CNBD1: variants seen among roughly 807,000 people sequenced by gnomAD.
The protein encoded by CNBD1 is cyclic nucleotide-binding domain-containing protein 1.
A neutral mutation model predicts 54.4 loss-of-function variants in CNBD1; 71 were observed. The observed-to-expected ratio is 1.30, with a 90% CI of 1.08 to 1.59. The LOEUF (loss-of-function observed/expected upper bound fraction) is 1.59, where lower values mean the gene tolerates loss of function less well. Ranked by LOEUF, CNBD1 falls within the 40% of genes most tolerant of loss-of-function variation. CNBD1 has a pLI of 0.00. For synonymous variants in CNBD1, 182 were observed against 170.7 expected (o/e 1.07, Z -0.51); for missense variants, 659 against 518.0 (o/e 1.27, Z -2.64).
chr8:87,045,318 G>A (rs557673224), intron 4 of CNBD1, among the ~76,000 whole-genome samples: 7 of 152,284 alleles, frequency 4.6e-5, no homozygotes, highest in African/African-American at 1.4e-4. Context: ...AAGAAGACTG[G>A]AATCTTTCAA....
At chr8:87,402,638 A>G (rs1807585969) in intron 2 of CNBD1, among the ~76,000 whole-genome samples, 1 of 152,078 alleles carries the variant, frequency 6.6e-6, no homozygotes, top group Non-Finnish European at 1.5e-5. Context: ...ACATTGTATC[A>G]TGGTGCATGA....
intron 8 of CNBD1, among the ~76,000 whole-genome samples, chr8:87,335,908 G>T (rs1171293004): frequency 6.6e-6 from 1 of 152,102 alleles, no homozygotes; most frequent in Non-Finnish European, 1.5e-5. Flanking sequence ...TGGTGGTGAT[G>T]AATTCCCTCA....
chr8:86,941,020 G>A (rs891663118), intron 4 of CNBD1, among the ~76,000 whole-genome samples: 4 of 152,220 alleles, frequency 2.6e-5, no homozygotes, highest in Non-Finnish European at 2.9e-5. Flanking sequence ...TGACAAAATC[G>A]CATGATGACA....
chr8:87,130,006 A>C (rs1280675210), intron 4 of CNBD1, among the ~76,000 whole-genome samples: 1 of 152,116 alleles, frequency 6.6e-6, no homozygotes, highest in Admixed American at 6.5e-5. Flanking sequence ...GAACTTGTGC[A>C]GGGGAGCTCC....
chr8:86,970,104 A>G (rs1216811039), intron 4 of CNBD1, among the ~76,000 whole-genome samples: 1 of 152,210 alleles, frequency 6.6e-6, no homozygotes, highest in South Asian at 2.1e-4. Flanking sequence ...ATTTACAACT[A>G]TATGGCTTTG....
intron 4 of CNBD1, among the ~76,000 whole-genome samples, chr8:87,028,011 C>T (rs1047750323): frequency 6.6e-6 from 1 of 152,068 alleles, no homozygotes; most frequent in African/African-American, 2.4e-5. Flanking sequence ...CTGGTACCCA[C>T]AAAAGACATT....
At chr8:87,388,859 C>T (rs1811248338) in intron 2 of CNBD1, among the ~76,000 whole-genome samples, 1 of 152,158 alleles carries the variant, frequency 6.6e-6, no homozygotes, top group South Asian at 2.1e-4. Context: ...CAATAAAATA[C>T]TGGCAAACTG....
At chr8:87,085,223 A>G (rs893599764) in intron 4 of CNBD1, among the ~76,000 whole-genome samples, 13 of 152,076 alleles carry the variant, frequency 8.5e-5, no homozygotes, top group African/African-American at 2.4e-4. Context: ...ATCTGTTACC[A>G]TGCTTTTTAT....
At chr8:87,263,316 G>T (rs1808179497) in intron 6 of CNBD1, among the ~76,000 whole-genome samples, 1 of 151,948 alleles carries the variant, frequency 6.6e-6, no homozygotes, top group Non-Finnish European at 1.5e-5. Context: ...CTATTTTTAA[G>T]CTTTTTTTCA....
chr8:86,995,352 C>T (rs76165146), intron 4 of CNBD1, among the ~76,000 whole-genome samples: 1,544 of 152,320 alleles, frequency 0.01, 21 homozygotes, highest in African/African-American at 0.034. Flanking sequence ...CTGCATTATA[C>T]TGCAGAAACA....
chr8:87,026,432 G>A (rs1055930933), intron 4 of CNBD1, among the ~76,000 whole-genome samples: 1 of 143,330 alleles, frequency 7.0e-6, no homozygotes, highest in African/African-American at 2.7e-5. Context: ...CTTATTAAAA[G>A]TTACTTTGAG....
intron 8 of CNBD1, among the ~76,000 whole-genome samples, chr8:87,343,464 ATTC>A (rs1402161937): frequency 6.6e-6 from 1 of 152,200 alleles, no homozygotes; most frequent in Non-Finnish European, 1.5e-5. Context: ...TCACAACTTA[ATTC>A]TTCTGCCATG....
intron 8 of CNBD1, among the ~76,000 whole-genome samples, chr8:87,319,944 G>A (rs10109580): frequency 0.38 from 57,520 of 151,696 alleles, 11,180 homozygotes; most frequent in Middle Eastern, 0.45. Context: ...ATCTTTTCCC[G>A]TCTCTTTTTG....
chr8:87,100,662 G>C (rs995174478), intron 4 of CNBD1, among the ~76,000 whole-genome samples: 3 of 152,096 alleles, frequency 2.0e-5, no homozygotes, highest in African/African-American at 7.2e-5. Context: ...TTTCAATAGA[G>C]ATGGGGTTTC....
chr8:87,402,302 G>A (rs76924922), intron 2 of CNBD1, among the ~76,000 whole-genome samples: 1,623 of 152,020 alleles, frequency 0.011, 22 homozygotes, highest in Middle Eastern at 0.027. Flanking sequence ...AGATTTGGGT[G>A]GGGACACAGT....
At position 87,065,402 on chromosome 8, in the gene CNBD1, A is replaced by T. The variant is rs184118794; in HGVS notation, c.431+125648A>T. On this transcript the variant is annotated intron_variant, in intron 4 of 10. Coordinates refer to ENST00000518476, the MANE Select transcript of CNBD1 (RefSeq NM_173538.3). Reference sequence around the variant, plus strand: ...TTATCTTTCTCCAGAGAGGATTTACATTGCTTCTGATGGACTTCAAATAGC... The same window carrying T: ...TTATCTTTCTCCAGAGAGGATTTACTTTGCTTCTGATGGACTTCAAATAGC... Among the ~76,000 whole-genome samples, 12 of 152,112 alleles carry T rather than the reference A, an allele frequency of 7.9e-5. No individual in the cohort carries two copies. In the East Asian group the frequency reaches 1.5e-3, roughly 20 times the overall value.
chr8:86,915,209 GGGTGGGGCCACAGGAGCAGTT>G (rs150810673), intron 3 of CNBD1, among the ~76,000 whole-genome samples: 2,924 of 152,224 alleles, frequency 0.019, 96 homozygotes, highest in African/African-American at 0.065. Flanking sequence ...AGTAGCTTCT[GGGTGGGGCCACAGGAGCAGTT>G]GGTGGGTCCT....
intron 4 of CNBD1, among the ~76,000 whole-genome samples, chr8:86,948,371 A>C (rs2130441860): frequency 6.6e-6 from 1 of 152,252 alleles, no homozygotes; most frequent in Admixed American, 6.5e-5. Flanking sequence ...TTAGATTCCC[A>C]CCAACAGTAT....
At chr8:86,970,438 C>T (rs116598540) in intron 4 of CNBD1, among the ~76,000 whole-genome samples, 74 of 152,168 alleles carry the variant, frequency 4.9e-4, no homozygotes, top group African/African-American at 1.7e-3. Flanking sequence ...GTGTGTTAAT[C>T]TCATTCACGG....
Sources: allele counts gnomAD v4.1 joint callset (sites outside exome capture counted in the v4.1 genomes callset), GRCh38; gene constraint gnomAD v4.1.1; transcripts MANE v1.5; gene names NCBI Gene and HGNC (gene_info 2026-07-23, HGNC 2026-07-21).